ENOPH1: variants seen among roughly 807,000 people sequenced by gnomAD.
ENOPH1 encodes the protein enolase-phosphatase E1.
In ENOPH1, 14 loss-of-function variants were observed where a neutral mutation model predicts 31.1. That is an observed-to-expected ratio of 0.45 (90% CI 0.30 to 0.70). The LOEUF (loss-of-function observed/expected upper bound fraction) is 0.70, where lower values mean the gene tolerates loss of function less well. Among genes scored for constraint, ENOPH1 ranks in the 30% least tolerant of loss-of-function variants. The pLI is 0.09. For synonymous variants in ENOPH1, 127 were observed against 123.2 expected, an observed-to-expected ratio of 1.03 and a Z score of -0.21; for missense variants, 243 against 321.5, an observed-to-expected ratio of 0.76 and a Z score of 1.87.
intron 3 of ENOPH1, among the ~76,000 whole-genome samples, chr4:82,452,104 G>T (rs72909839): frequency 0.012 from 1,771 of 151,280 alleles, 34 homozygotes; most frequent in African/African-American, 0.041. Flanking sequence ...TTAGAGCTGG[G>T]GTCTTGCTCT....
At chr4:82,441,644 A>C (rs1722045525) in intron 1 of ENOPH1, among the ~76,000 whole-genome samples, 1 of 152,008 alleles carries the variant, frequency 6.6e-6, no homozygotes, top group Admixed American at 6.6e-5. Context: ...AAAATAAAAT[A>C]AAATAAAGTA....
intron 1 of ENOPH1, among the ~76,000 whole-genome samples, chr4:82,447,671 A>C (rs891447951): frequency 6.6e-6 from 1 of 152,244 alleles, no homozygotes; most frequent in Non-Finnish European, 1.5e-5. Context: ...CTATGTTCCA[A>C]TAAAACTTCA....
At chr4:82,439,852 C>G (rs887351727) in intron 1 of ENOPH1, among the ~76,000 whole-genome samples, 1 of 152,024 alleles carries the variant, frequency 6.6e-6, no homozygotes, top group East Asian at 1.9e-4. Context: ...AAAGAGGAGT[C>G]AAAGATGACT....
chr4:82,437,405 C>T (rs1721935007), intron 1 of ENOPH1, among the ~76,000 whole-genome samples: 1 of 152,184 alleles, frequency 6.6e-6, no homozygotes, highest in South Asian at 2.1e-4. Context: ...TTGGGTTTTC[C>T]AACTTTCTAT....
At chr4:82,456,618 G>A (rs1016763119) in intron 4 of ENOPH1, among the ~76,000 whole-genome samples, 2 of 152,300 alleles carry the variant, frequency 1.3e-5, no homozygotes, top group Non-Finnish European at 1.5e-5. Context: ...TTAAGGGTAG[G>A]ATGTAGGGCA....
chr4:82,438,575 C>A (rs1372931065), intron 1 of ENOPH1, among the ~76,000 whole-genome samples: 1 of 152,168 alleles, frequency 6.6e-6, no homozygotes, highest in Non-Finnish European at 1.5e-5. Context: ...ATCACTTGAG[C>A]CCAGGAGGTA....
At chr4:82,431,623 A>C (rs1025311036) in intron 1 of ENOPH1, among the ~76,000 whole-genome samples, 3 of 152,190 alleles carry the variant, frequency 2.0e-5, no homozygotes, top group African/African-American at 7.2e-5. Context: ...CTCAGCTTGC[A>C]ACTTAGCGGA....
intron 1 of ENOPH1, among the ~76,000 whole-genome samples, chr4:82,436,350 G>A (rs558497869): frequency 6.6e-6 from 1 of 152,212 alleles, no homozygotes; most frequent in African/African-American, 2.4e-5. Context: ...AACAAGGTGA[G>A]GAGTCTTTGG....
chr4:82,448,173 T>C, intron 2 of ENOPH1, 152 bp downstream of exon 2: 1 of 510,054 alleles, frequency 2.0e-6, no homozygotes, highest in Admixed American at 3.8e-5. Flanking sequence ...GCTTAGGAAT[T>C]CACAGTACAT....
intron 3 of ENOPH1, 149 bp downstream of exon 3, chr4:82,451,394 A>G: frequency 1.2e-6 from 1 of 828,228 alleles, no homozygotes; most frequent in Non-Finnish European, 1.9e-6. Flanking sequence ...GCTTTGTTTC[A>G]TTTTTTCAAA....
rs1056448106 is a variant in ENOPH1, at chr4:82,442,885, C to T, written c.85-5035C>T. ...TATCGCCCAGGCTGGCGTGCAGTGG[C>T]GTGATCTTGGCTTACCGTGACCTTT... On this transcript the variant is annotated intron_variant, in intron 1 of 5. Transcript: ENST00000273920. Among the ~76,000 whole-genome samples the T allele has an allele frequency of 3.9e-5, 6 of 152,184 alleles. No individual in the cohort carries two copies. In the South Asian group the frequency reaches 1.0e-3, roughly 26 times the overall value.
chr4:82,436,522 C>A (rs1314595994), intron 1 of ENOPH1, among the ~76,000 whole-genome samples: 1 of 151,772 alleles, frequency 6.6e-6, no homozygotes, highest in African/African-American at 2.4e-5. Context: ...CTCGTCTCTA[C>A]TAAAAATAAA....
intron 3 of ENOPH1, among the ~76,000 whole-genome samples, chr4:82,454,050 T>TAAA (rs34247093): frequency 7.4e-6 from 1 of 134,868 alleles, no homozygotes; most frequent in Non-Finnish European, 1.6e-5. Context: ...TACAAAAAAT[T>TAAA]AAAAAAAAAA....
intron 1 of ENOPH1, among the ~76,000 whole-genome samples, chr4:82,439,742 T>G (rs758961575): frequency 1.1e-4 from 17 of 152,190 alleles, no homozygotes; most frequent in Non-Finnish European, 2.4e-4. Context: ...TTTTGAGTGC[T>G]TGGTGGTGGC....
At chr4:82,448,152 G>C (rs1007156072) in intron 2 of ENOPH1, 131 bp downstream of exon 2, 2 of 531,272 alleles carry the variant, frequency 3.8e-6, no homozygotes, top group African/African-American at 3.9e-5. Context: ...CAGTGACTTA[G>C]TGAGTTGCCT....
chr4:82,451,008 C>T (rs1412718174), intron 2 of ENOPH1, 35 bp from the exon 3 acceptor site: 17 of 1,580,296 alleles, frequency 1.1e-5, no homozygotes, highest in Non-Finnish European at 1.5e-5. Context: ...TTTGAATAAG[C>T]AAAAAACAAA....
rs1281900913 is a variant in ENOPH1 at position 82,443,807 on chromosome 4, G to T, written c.85-4113G>T. ...TTTCTAAAAAATACTAAGTTCTCAA[G>T]TACTATAAATCATTTGCATTGTATA... is the stretch of plus-strand genomic sequence containing the variant. On this transcript the variant is annotated intron_variant, in intron 1 of 5. Coordinates refer to ENST00000273920, the MANE Select transcript of ENOPH1 (RefSeq NM_021204.5). Among the ~76,000 whole-genome samples the T allele has an allele frequency of 2.6e-5, 4 of 151,870 alleles. No homozygotes were observed. The East Asian group carries it at 5.8e-4, about 22-fold the overall frequency.
At chr4:82,459,831 C>T in intron 5 of ENOPH1, 150 bp from the exon 6 acceptor site, 1 of 711,686 alleles carries the variant, frequency 1.4e-6, no homozygotes, top group South Asian at 1.9e-5. Flanking sequence ...ATAGTCAACC[C>T]CAGGGTGCCC....
intron 1 of ENOPH1, among the ~76,000 whole-genome samples, chr4:82,440,634 T>C (rs183095734): frequency 2.6e-4 from 39 of 152,352 alleles, no homozygotes; most frequent in South Asian, 1.9e-3. Context: ...TCATTGGAGA[T>C]ACTCTGTTTC....
Sources: gnomAD v4.1 joint callset for allele counts (sites outside exome capture counted in the v4.1 genomes callset) on GRCh38, gnomAD v4.1.1 for gene constraint, MANE v1.5 for transcripts, NCBI Gene and HGNC (gene_info 2026-07-23, HGNC 2026-07-21) for gene names.